The following PCDHGA4 variants were observed in gnomAD, a reference collection of about 807,000 sequenced individuals.
PCDHGA4 encodes the protein protocadherin gamma subfamily A, 4, also known as protocadherin gamma-A4.
Under a neutral mutation model 54.6 loss-of-function variants are expected in PCDHGA4, and 38 were observed. The observed-to-expected ratio is 0.70, with a 90% CI of 0.54 to 0.91. PCDHGA4 has a LOEUF of 0.91. Ranked by LOEUF, PCDHGA4 falls within the 40% of genes least tolerant of loss-of-function variation. PCDHGA4 has a pLI of 0.00. For synonymous variants in PCDHGA4, 511 were observed against 512.9 expected, an observed-to-expected ratio of 1.00 and a Z score of 0.05; for missense variants, 1,298 against 1,220.9, an observed-to-expected ratio of 1.06 and a Z score of -0.94.
intron 1 of PCDHGA4, among the ~76,000 whole-genome samples, chr5:141,450,062 A>G (rs546772416): frequency 1.1e-4 from 15 of 142,322 alleles, no homozygotes; most frequent in African/African-American, 4.0e-4. Flanking sequence ...GCTGGAATGC[A>G]GTGGTATGAT....
chr5:141,372,057 C>T (rs1228775419), intron 1 of PCDHGA4: 3 of 1,613,552 alleles, frequency 1.9e-6, no homozygotes, highest in African/African-American at 2.7e-5. Context: ...GGTGGACGAC[C>T]GCAACGACAA....
chr5:141,496,163 A>T (rs1249396595), intron 2 of PCDHGA4, among the ~76,000 whole-genome samples: 2 of 150,100 alleles, frequency 1.3e-5, no homozygotes, highest in Non-Finnish European at 3.0e-5. Flanking sequence ...TCCACCAGAC[A>T]CCCTCCCATC....
rs771162532 is a variant in PCDHGA4, at chr5:141,491,756, C to A, written c.2515-3051C>A. On this transcript the variant is annotated intron_variant, in intron 1 of 3. Transcript: ENST00000571252. The surrounding 1 kb of genome is among the most constrained non-coding windows in gnomAD (Gnocchi z 6.9). ...CCTGGGGGCGGCACTGGAGAAGCCGCCCGTCCTCATAAGGGATTGAACTTG... is the reference window on the plus strand; with the variant it reads ...CCTGGGGGCGGCACTGGAGAAGCCGACCGTCCTCATAAGGGATTGAACTTG... The A allele has an allele frequency of 6.3e-7, 1 of 1,581,720 alleles. No individual in the cohort carries two copies. Among genetic ancestry groups the A allele is most frequent in the Middle Eastern group, 1.7e-4 (1 of 5,958 alleles).
At chr5:141,419,762 AAGGACTCG>A (rs1468964539) in intron 1 of PCDHGA4, 2 of 1,614,008 alleles carry the variant, frequency 1.2e-6, no homozygotes, top group South Asian at 2.2e-5. Context: ...TTTGGGTGAC[AAGGACTCG>A]GTCCGCCAGC....
At chr5:141,361,147 C>A (rs1434690627) in intron 1 of PCDHGA4, 3 of 1,613,838 alleles carry the variant, frequency 1.9e-6, no homozygotes, top group East Asian at 2.2e-5. Flanking sequence ...AGTTGAAATT[C>A]TTGATGACAA....
At chr5:141,367,992 G>T (rs973749117) in intron 1 of PCDHGA4, among the ~76,000 whole-genome samples, 1 of 152,088 alleles carries the variant, frequency 6.6e-6, no homozygotes, top group Non-Finnish European at 1.5e-5. Context: ...TAATAGATTT[G>T]TCTTAATGAA....
rs61612330 is a variant in PCDHGA4 at position 141,454,796 on chromosome 5, A to ATTTTTTTTTT, written c.2515-39991_2515-39982dup. Among the ~76,000 whole-genome samples, 264 of 77,454 alleles carry ATTTTTTTTTT rather than the reference A, an allele frequency of 3.4e-3. 39 individuals carry two copies. Among genetic ancestry groups the ATTTTTTTTTT allele is most frequent in the African/African-American group, 0.012 (196 of 16,878 alleles). 50.8% of individuals were successfully genotyped at this position (77,454 alleles called of 152,430 possible). A position where few individuals can be genotyped will look rare whatever the true frequency, so the allele number is the denominator to read the frequency against. ...AAGGAAATAATCCTCCATGGTTCTA[A>ATTTTTTTTTT]TTTTTTTTTTTTTTTTTTTTTTTTT... On this transcript the variant is annotated intron_variant, in intron 1 of 3. Transcript: ENST00000571252.
intron 1 of PCDHGA4, chr5:141,375,050 G>A: frequency 6.2e-7 from 1 of 1,614,046 alleles, no homozygotes; most frequent in Non-Finnish European, 8.5e-7. Flanking sequence ...TGAAGCCCGG[G>A]ATGGGCCAGG....
intron 2 of PCDHGA4, among the ~76,000 whole-genome samples, chr5:141,502,165 T>C (rs1017904375): frequency 1.8e-4 from 28 of 152,196 alleles, no homozygotes; most frequent in African/African-American, 6.3e-4. Context: ...AGATATTCAG[T>C]TGAGGAATTT....
chr5:141,459,406 A>C (rs2098967498), intron 1 of PCDHGA4, among the ~76,000 whole-genome samples: 1 of 152,218 alleles, frequency 6.6e-6, no homozygotes, highest in Admixed American at 6.5e-5. Flanking sequence ...GCAGTATTGC[A>C]TTGTGTGGAT....
intron 1 of PCDHGA4, chr5:141,475,839 CAG>C: frequency 2.3e-6 from 1 of 433,254 alleles, no homozygotes; most frequent in Non-Finnish European, 4.1e-6. Flanking sequence ...GTGTCCTGCT[CAG>C]AGAGCCCGGC....
At position 141,366,500 on chromosome 5, in the gene PCDHGA4, C is replaced by T. The variant is rs538032302; in HGVS notation, c.2514+8879C>T. The T allele has an allele frequency of 1.5e-5, 24 of 1,614,276 alleles. No homozygotes were observed. In the South Asian group the frequency reaches 2.3e-4, roughly 16 times the overall value. On this transcript the variant is annotated intron_variant, in intron 1 of 3. Coordinates refer to ENST00000571252, the MANE Select transcript of PCDHGA4 (RefSeq NM_018917.4). The stretch of plus-strand genomic sequence containing the variant: ...ACTGAGGCGCTGGCACAAGTCACGC[C>T]TGCTTCAGGCTGAAGGCAGCAGGTT...
In PCDHGA4 at chr5:141,355,626, T is replaced by G; in HGVS notation, c.519T>G (p.Val173=). The G allele has an allele frequency of 6.2e-7, 1 of 1,614,004 alleles. No individual in the cohort carries two copies. The highest frequency in any genetic ancestry group is 2.2e-5 in the East Asian group (1 of 44,880). ...GGACAGAACAGAGGGAAATAAAAGT[T>G]GCTGAAAATGAAAATCCTGGGGCAA... ...SFGTEQREIK[V]AENENPGARF... Residue 173 remains valine, a synonymous_variant, in exon 1 of 4, where the codon GTT becomes GTG. Coordinates refer to ENST00000571252, the MANE Select transcript of PCDHGA4 (RefSeq NM_018917.4).
At position 141,363,833 on chromosome 5, in the gene PCDHGA4, T is replaced by A. The variant is rs533178318; in HGVS notation, c.2514+6212T>A. 4.7e-4 allele frequency among the ~76,000 whole-genome samples: 71 copies of A among 152,330 alleles called. 1 individual carries two copies. In the South Asian group the frequency reaches 4.8e-3, roughly 10 times the overall value. ...AATCCTACAAAGGTAAGAATTTGAA[T>A]GTCCTAATTTAATGGACTAAATATA... is the stretch of plus-strand genomic sequence containing the variant. On this transcript the variant is annotated intron_variant, in intron 1 of 3. Transcript: ENST00000571252.
rs533686455 is a variant in PCDHGA4, at chr5:141,369,964, G to A, written c.2514+12343G>A. Among the ~76,000 whole-genome samples the A allele has an allele frequency of 3.5e-4, 53 of 152,298 alleles. No homozygotes were observed. The East Asian group carries it at 5.2e-3, about 15-fold the overall frequency. ...CAAGATTATCTCTGCCCTTTGACAA[G>A]TAAAAGGTACTTGATTTGGATGGAT... On this transcript the variant is annotated intron_variant, in intron 1 of 3. Coordinates refer to ENST00000571252, the MANE Select transcript of PCDHGA4 (RefSeq NM_018917.4).
Position 141,432,148 on chromosome 5 carries a change from G to C in PCDHGA4, c.2515-62659G>C. ...CCTCCTATTCCGCTTATATCCCAGA[G>C]AACAATCCCAGAGGAGTTTCCCTCG... On this transcript the variant is annotated intron_variant, in intron 1 of 3. Coordinates refer to ENST00000571252, the MANE Select transcript of PCDHGA4 (RefSeq NM_018917.4). The surrounding 1 kb of genome is among the most constrained non-coding windows in gnomAD (Gnocchi z 6.0). 6.2e-7 allele frequency: 1 copy of C among 1,614,002 alleles called. No individual in the cohort carries two copies. Among genetic ancestry groups the C allele is most frequent in the East Asian group, 2.2e-5 (1 of 44,876 alleles).
At chr5:141,415,740 G>GTTTTTTTTTTTTTTTTTGTTTTT (rs2095912994) in intron 1 of PCDHGA4, 1 of 515,998 alleles carries the variant, frequency 1.9e-6, no homozygotes. Flanking sequence ...GTTTATTAAG[G>GTTTTTTTTTTTTTTTTTGTTTTT]TTTTTTTTTT....
chr5:141,472,486 G>A (rs1300618918), intron 1 of PCDHGA4, among the ~76,000 whole-genome samples: 1 of 152,050 alleles, frequency 6.6e-6, no homozygotes, highest in Non-Finnish European at 1.5e-5. Flanking sequence ...CTTGCAGTGA[G>A]ACGAGATCGT....
chr5:141,367,409 C>G (rs923534694), intron 1 of PCDHGA4: 1 of 152,094 alleles, frequency 6.6e-6, no homozygotes, highest in Non-Finnish European at 1.5e-5. Flanking sequence ...TGGTGGCAGG[C>G]GCCTGTAGTC....
Sources: gnomAD v4.1 joint callset for allele counts (sites outside exome capture counted in the v4.1 genomes callset) on GRCh38, gnomAD v4.1.1 for gene constraint, Gnocchi (gnomAD v3.1) non-coding constraint, MANE v1.5 for transcripts, NCBI Gene and HGNC (gene_info 2026-07-23, HGNC 2026-07-21) for gene names.